The following SMCO4 variants were observed in gnomAD, a reference collection of about 807,000 sequenced individuals.
SMCO4 encodes single-pass membrane and coiled-coil domain-containing protein 4.
Under a neutral mutation model 3.6 loss-of-function variants are expected in SMCO4, and 4 were observed. The ratio of observed to expected loss-of-function variants is 1.11; its 90% CI spans 0.54 to 2.53. The LOEUF is 2.53. Ranked by LOEUF, SMCO4 falls within the 30% of genes most tolerant of loss-of-function variation. SMCO4 has a pLI of 0.02. For synonymous variants in SMCO4, 36 were observed against 35.3 expected, an observed-to-expected ratio of 1.02 and a Z score of -0.07; for missense variants, 70 against 80.8, an observed-to-expected ratio of 0.87 and a Z score of 0.51.
At chr11:93,551,202 C>T in the SMCO4 span, among the ~76,000 whole-genome samples, 6 of 151,898 alleles carry the variant, frequency 4.0e-5, no homozygotes, top group Admixed American at 3.3e-4. Context: ...TGATGTTAAG[C>T]GTGCTGAAGA....
chr11:93,552,662 G>A, the SMCO4 span, among the ~76,000 whole-genome samples: 2 of 151,088 alleles, frequency 1.3e-5, no homozygotes, highest in Non-Finnish European at 2.9e-5. Flanking sequence ...AGTAGAGACA[G>A]GGTTTCACCA....
At chr11:93,498,950 T>C (rs1333239005) in intron 2 of SMCO4, among the ~76,000 whole-genome samples, 2 of 151,996 alleles carry the variant, frequency 1.3e-5, no homozygotes, top group South Asian at 2.1e-4. Context: ...AGTACTATGA[T>C]GGGGGGTGTG....
At chr11:93,534,963 A>G (rs1949205498) in intron 1 of SMCO4, among the ~76,000 whole-genome samples, 1 of 152,218 alleles carries the variant, frequency 6.6e-6, no homozygotes, top group African/African-American at 2.4e-5. Flanking sequence ...GAATAATCAC[A>G]TGCAACTAGA....
chr11:93,511,787 A>G (rs1024805525), intron 1 of SMCO4, among the ~76,000 whole-genome samples: 5 of 152,234 alleles, frequency 3.3e-5, no homozygotes, highest in African/African-American at 4.8e-5. Context: ...TTCATAAAGT[A>G]TAATCATACA....
chr11:93,530,040 G>C (rs1402851168), intron 1 of SMCO4, among the ~76,000 whole-genome samples: 4 of 152,220 alleles, frequency 2.6e-5, no homozygotes, highest in African/African-American at 9.7e-5. Flanking sequence ...CTGCTGACCA[G>C]GAGAGCTGAC....
At chr11:93,534,367 T>TAGAGAG (rs1400925569) in intron 1 of SMCO4, among the ~76,000 whole-genome samples, 36 of 96,234 alleles carry the variant, frequency 3.7e-4, no homozygotes, top group South Asian at 9.0e-4. Flanking sequence ...CATATATATA[T>TAGAGAG]ATATATATAG....
chr11:93,550,604 A>G, the SMCO4 span, among the ~76,000 whole-genome samples: 1 of 152,180 alleles, frequency 6.6e-6, no homozygotes, highest in East Asian at 1.9e-4. Context: ...GAGCTCAGGA[A>G]TTTGAGGCTA....
intron 1 of SMCO4, among the ~76,000 whole-genome samples, chr11:93,512,855 G>A (rs1948970371): frequency 6.6e-6 from 1 of 152,160 alleles, no homozygotes; most frequent in African/African-American, 2.4e-5. Flanking sequence ...TACAATACAG[G>A]GCAATACAGA....
At chr11:93,535,634 G>T (rs896453686) in intron 1 of SMCO4, 50 of 1,591,678 alleles carry the variant, frequency 3.1e-5, no homozygotes, top group Non-Finnish European at 3.6e-5. Context: ...GACAACAAGT[G>T]TCTGTTAAGA....
intron 1 of SMCO4, among the ~76,000 whole-genome samples, chr11:93,523,621 C>T (rs370679912): frequency 3.9e-5 from 6 of 152,140 alleles, no homozygotes; most frequent in East Asian, 3.9e-4. Flanking sequence ...ATCATGCCAC[C>T]GCACTCTAGC....
the SMCO4 span, among the ~76,000 whole-genome samples, chr11:93,553,149 T>C: frequency 6.6e-6 from 1 of 152,218 alleles, no homozygotes; most frequent in African/African-American, 2.4e-5. Context: ...GAATTCTAAA[T>C]GGGACAGTGC....
chr11:93,524,159 T>G (rs1189706922), intron 1 of SMCO4, among the ~76,000 whole-genome samples: 1 of 152,160 alleles, frequency 6.6e-6, no homozygotes, highest in Non-Finnish European at 1.5e-5. Flanking sequence ...TCACATACAC[T>G]ATCTCATATA....
At chr11:93,509,611 C>T (rs543643418) in intron 1 of SMCO4, among the ~76,000 whole-genome samples, 1 of 152,322 alleles carries the variant, frequency 6.6e-6, no homozygotes, top group South Asian at 2.1e-4. Flanking sequence ...CTGTGCTATA[C>T]ATATACCACG....
At chr11:93,503,418 G>A (rs1191337088) in intron 1 of SMCO4, among the ~76,000 whole-genome samples, 3 of 152,170 alleles carry the variant, frequency 2.0e-5, no homozygotes, top group East Asian at 1.9e-4. Context: ...CCCACAACAC[G>A]TGGGAATTAT....
upstream of SMCO4, among the ~76,000 whole-genome samples, chr11:93,547,799 T>C (rs1168157983): frequency 6.6e-6 from 1 of 151,960 alleles, no homozygotes; most frequent in Non-Finnish European, 1.5e-5. Flanking sequence ...TGTGGAAGAT[T>C]CTCTCTGCTG....
chr11:93,509,054 C>T (rs993709409), intron 1 of SMCO4, among the ~76,000 whole-genome samples: 1 of 151,702 alleles, frequency 6.6e-6, no homozygotes, highest in Non-Finnish European at 1.5e-5. Flanking sequence ...CTCTGGGAGG[C>T]GGAGGTAGGC....
At chr11:93,538,376 C>T (rs1016859931) in intron 1 of SMCO4, among the ~76,000 whole-genome samples, 18 of 152,184 alleles carry the variant, frequency 1.2e-4, no homozygotes, top group Admixed American at 1.1e-3. Flanking sequence ...AGGACCAAAC[C>T]CTGGTGGGTC....
upstream of SMCO4, among the ~76,000 whole-genome samples, chr11:93,546,273 C>T (rs779072329): frequency 7.9e-5 from 12 of 152,230 alleles, no homozygotes; most frequent in Non-Finnish European, 1.8e-4. Flanking sequence ...TGTAAATACC[C>T]TCTTTGAAAG....
upstream of SMCO4, among the ~76,000 whole-genome samples, chr11:93,547,065 C>G (rs4753470): frequency 0.96 from 145,534 of 152,334 alleles, 69,856 homozygotes; most frequent in East Asian, 1. Context: ...AAATTTGGTG[C>G]ACATAGAGGT....
Sources: allele counts gnomAD v4.1 joint callset (sites outside exome capture counted in the v4.1 genomes callset), GRCh38; gene constraint gnomAD v4.1.1; transcripts MANE v1.5; gene names NCBI Gene and HGNC (gene_info 2026-07-23, HGNC 2026-07-21).